LINGO2: variants seen among roughly 807,000 people sequenced by gnomAD.
LINGO2 encodes leucine-rich repeat and immunoglobulin-like domain-containing nogo receptor-interacting protein 2.
Under a neutral mutation model 30.6 loss-of-function variants are expected in LINGO2, and 14 were observed. That is an observed-to-expected ratio of 0.46 (90% CI 0.30 to 0.72). The LOEUF (loss-of-function observed/expected upper bound fraction) is 0.72, where lower values mean the gene tolerates loss of function less well. Among genes scored for constraint, LINGO2 ranks in the 30% least tolerant of loss-of-function variants. The pLI is 0.07. For synonymous variants in LINGO2, 317 were observed against 288.5 expected, an observed-to-expected ratio of 1.10 and a Z score of -1.00; for missense variants, 729 against 751.7, an observed-to-expected ratio of 0.97 and a Z score of 0.35.
chr9:28,398,883 C>T (rs558849435), intron 2 of LINGO2, among the ~76,000 whole-genome samples: 9 of 152,040 alleles, frequency 5.9e-5, no homozygotes, highest in African/African-American at 1.7e-4. Flanking sequence ...AACCCCTTTT[C>T]GTCTTACATT....
chr9:29,084,130 A>C, the LINGO2 span, among the ~76,000 whole-genome samples: 1 of 152,124 alleles, frequency 6.6e-6, no homozygotes, highest in African/African-American at 2.4e-5. Flanking sequence ...CTGGTATAAA[A>C]ATTTTAGACA....
At chr9:28,097,863 C>T (rs1826293142) in intron 4 of LINGO2, among the ~76,000 whole-genome samples, 2 of 40,414 alleles carry the variant, frequency 4.9e-5, no homozygotes, top group African/African-American at 8.1e-5. Context: ...ATAAAAGATA[C>T]ACAACCTCTT....
intron 4 of LINGO2, among the ~76,000 whole-genome samples, chr9:28,067,833 C>T (rs753424531): frequency 3.9e-5 from 6 of 152,202 alleles, no homozygotes; most frequent in East Asian, 3.9e-4. Context: ...AACAATGCTA[C>T]GATGTAGATA....
chr9:28,601,903 A>G (rs1825494597), intron 1 of LINGO2, among the ~76,000 whole-genome samples: 1 of 152,114 alleles, frequency 6.6e-6, no homozygotes, highest in Admixed American at 6.6e-5. Flanking sequence ...GAGAGTACCA[A>G]AATAACAGCT....
At chr9:28,023,976 G>A (rs573961273) in intron 4 of LINGO2, among the ~76,000 whole-genome samples, 6 of 152,180 alleles carry the variant, frequency 3.9e-5, no homozygotes, top group East Asian at 1.9e-4. Context: ...TCATTTTTGC[G>A]TCTCTGGATT....
intron 2 of LINGO2, among the ~76,000 whole-genome samples, chr9:28,390,715 A>T (rs1433468768): frequency 3.3e-5 from 5 of 152,174 alleles, no homozygotes; most frequent in Non-Finnish European, 5.9e-5. Flanking sequence ...TACACATCTG[A>T]CTTCTCCTAG....
At chr9:28,333,961 A>G (rs1167244364) in intron 3 of LINGO2, among the ~76,000 whole-genome samples, 1 of 152,188 alleles carries the variant, frequency 6.6e-6, no homozygotes, top group African/African-American at 2.4e-5. Context: ...GAACCATGAT[A>G]CTGGGGCACA....
intron 2 of LINGO2, among the ~76,000 whole-genome samples, chr9:28,398,774 T>TTTC (rs1394155764): frequency 1.3e-5 from 2 of 152,066 alleles, no homozygotes; most frequent in Non-Finnish European, 2.9e-5. Context: ...AACCTGCATA[T>TTTC]TTCTTTATAT....
intron 3 of LINGO2, among the ~76,000 whole-genome samples, chr9:28,346,243 C>T (rs1376706782): frequency 6.6e-6 from 1 of 152,170 alleles, no homozygotes; most frequent in African/African-American, 2.4e-5. Context: ...TGTTGTTCCT[C>T]TCCCAGTATC....
At chr9:28,782,154 T>C in the LINGO2 span, among the ~76,000 whole-genome samples, 190 of 152,288 alleles carry the variant, frequency 1.2e-3, no homozygotes, top group African/African-American at 4.2e-3. Context: ...GCAAGCTCTG[T>C]CCAGTGGTAT....
chr9:28,274,913 A>C (rs192674647), intron 4 of LINGO2, among the ~76,000 whole-genome samples: 3 of 152,306 alleles, frequency 2.0e-5, no homozygotes, highest in Admixed American at 6.5e-5. Flanking sequence ...AAAACTAATT[A>C]AGTTAGGTGC....
chr9:28,657,137 G>GTGTTT (rs1230303156), intron 1 of LINGO2, among the ~76,000 whole-genome samples: 3 of 151,998 alleles, frequency 2.0e-5, no homozygotes, highest in African/African-American at 7.2e-5. Context: ...TGTGAGATAA[G>GTGTTT]TGTTTTGTTT....
intron 1 of LINGO2, among the ~76,000 whole-genome samples, chr9:28,573,686 C>T (rs1366614328): frequency 2.0e-5 from 3 of 152,066 alleles, no homozygotes; most frequent in East Asian, 1.9e-4. Context: ...CAGAAATAGT[C>T]GTGGCAAGGT....
intron 2 of LINGO2, among the ~76,000 whole-genome samples, chr9:28,438,552 G>A (rs1405259050): frequency 3.9e-5 from 6 of 152,102 alleles, no homozygotes; most frequent in African/African-American, 1.4e-4. Flanking sequence ...TTTGCAGAAT[G>A]TATATTGTGG....
At chr9:28,430,109 C>CGT (rs55989705) in intron 2 of LINGO2, among the ~76,000 whole-genome samples, 360 of 136,196 alleles carry the variant, frequency 2.6e-3, no homozygotes, top group Admixed American at 7.2e-3. Context: ...CGCGCGCGCG[C>CGT]GTGTGTGTGT....
chr9:28,883,510 C>G, the LINGO2 span, among the ~76,000 whole-genome samples: 2 of 151,276 alleles, frequency 1.3e-5, no homozygotes, highest in African/African-American at 4.9e-5. Flanking sequence ...TCATTTCCCC[C>G]ACTCAAACCA....
At chr9:28,189,653 AAGGAAG>A (rs1819729802) in intron 4 of LINGO2, among the ~76,000 whole-genome samples, 1 of 28,042 alleles carries the variant, frequency 3.6e-5, no homozygotes, top group Non-Finnish European at 7.6e-5. Flanking sequence ...GGGAGGGAGG[AAGGAAG>A]GAAGGAAGGG....
chr9:28,922,480 A>G, the LINGO2 span, among the ~76,000 whole-genome samples: 14 of 152,176 alleles, frequency 9.2e-5, no homozygotes, highest in African/African-American at 3.4e-4. Context: ...ATGGATATCC[A>G]CTGTAAGTAA....
intron 3 of LINGO2, among the ~76,000 whole-genome samples, chr9:28,317,083 T>C (rs1405169298): frequency 6.6e-6 from 1 of 152,214 alleles, no homozygotes; most frequent in Admixed American, 6.5e-5. Context: ...TATATTCTTT[T>C]GTACTGTATT....
Sources: gnomAD v4.1 joint callset for allele counts (sites outside exome capture counted in the v4.1 genomes callset) on GRCh38, gnomAD v4.1.1 for gene constraint, MANE v1.5 for transcripts, NCBI Gene and HGNC (gene_info 2026-07-23, HGNC 2026-07-21) for gene names.